KCNN2: variants seen among roughly 807,000 people sequenced by gnomAD.
KCNN2 encodes potassium calcium-activated channel subfamily N member 2, also known as small conductance calcium-activated potassium channel protein 2.
A neutral mutation model predicts 55.5 loss-of-function variants in KCNN2; 24 were observed. The observed-to-expected ratio is 0.43, with a 90% confidence interval of 0.31 to 0.61. The LOEUF (loss-of-function observed/expected upper bound fraction) is 0.61, where lower values mean the gene tolerates loss of function less well. Among genes scored for constraint, KCNN2 ranks in the 20% least tolerant of loss-of-function variants. KCNN2 has a pLI of 0.08. For missense variants in KCNN2, 754 were observed against 853.6 expected (o/e 0.88, Z 1.45); for synonymous variants, 431 against 336.1 (o/e 1.28, Z -3.09).
intron 1 of KCNN2, among the ~76,000 whole-genome samples, chr5:114,063,682 T>C (rs1165138596): frequency 6.6e-6 from 1 of 152,172 alleles, no homozygotes; most frequent in African/African-American, 2.4e-5. Flanking sequence ...CAGAGGGAGA[T>C]AAGGCAATGC....
At chr5:114,364,073 A>G (rs1757532315) in intron 2 of KCNN2, 72 bp downstream of exon 2, 1 of 1,127,496 alleles carries the variant, frequency 8.9e-7, no homozygotes, top group Admixed American at 1.8e-5. Flanking sequence ...AAGGCAGCAG[A>G]GGCTTTTTTC....
At chr5:114,418,346 A>G (rs1035465107) in intron 3 of KCNN2, among the ~76,000 whole-genome samples, 2 of 152,242 alleles carry the variant, frequency 1.3e-5, no homozygotes, top group African/African-American at 4.8e-5. Context: ...AGCCTTCCTT[A>G]TGTGCTGGAC....
intron 1 of KCNN2, among the ~76,000 whole-genome samples, chr5:114,073,416 A>G (rs531247357): frequency 4.5e-4 from 69 of 152,296 alleles, no homozygotes; most frequent in African/African-American, 1.7e-3. Flanking sequence ...CCAATGTTCA[A>G]TTAGCATGGA....
intron 1 of KCNN2, among the ~76,000 whole-genome samples, chr5:114,135,827 T>C (rs1752163485): frequency 6.6e-6 from 1 of 152,172 alleles, no homozygotes; most frequent in African/African-American, 2.4e-5. Context: ...CTGTGAAACA[T>C]GAACACAATG....
intron 1 of KCNN2, among the ~76,000 whole-genome samples, chr5:114,124,686 A>T (rs531907751): frequency 1.3e-5 from 2 of 152,290 alleles, no homozygotes; most frequent in Non-Finnish European, 2.9e-5. Flanking sequence ...TCAGGATGGC[A>T]CAATTGCTGT....
chr5:114,249,079 G>T (rs1228420713), intron 2 of KCNN2, among the ~76,000 whole-genome samples: 2 of 152,020 alleles, frequency 1.3e-5, no homozygotes, highest in African/African-American at 4.8e-5. Flanking sequence ...TTTCTACAAA[G>T]ACAAAGTTTC....
intron 5 of KCNN2, among the ~76,000 whole-genome samples, chr5:114,486,509 G>A (rs1052835770): frequency 9.9e-5 from 15 of 152,116 alleles, no homozygotes; most frequent in African/African-American, 3.1e-4. Context: ...CGTAGACTCC[G>A]TCAGTTAATT....
intron 2 of KCNN2, among the ~76,000 whole-genome samples, chr5:114,232,035 T>C (rs1427636604): frequency 1.3e-5 from 2 of 151,138 alleles, no homozygotes; most frequent in Admixed American, 6.6e-5. Context: ...TTTTTAACTT[T>C]TGAGGCCAGT....
chr5:114,074,991 G>A (rs116694799), intron 1 of KCNN2, among the ~76,000 whole-genome samples: 270 of 152,286 alleles, frequency 1.8e-3, no homozygotes, highest in African/African-American at 6.3e-3. Flanking sequence ...ACACAAGAAG[G>A]CAGGTTCATT....
chr5:114,449,908 A>ACGCGCG (rs34988174), intron 3 of KCNN2, among the ~76,000 whole-genome samples: 22 of 66,148 alleles, frequency 3.3e-4, no homozygotes, highest in East Asian at 3.1e-3. Flanking sequence ...ACACACACAC[A>ACGCGCG]CGCGCGCGCT....
Position 114,232,922 on chromosome 5 carries a change from C to CTCGTTTTTTTTTTTTTT in KCNN2, c.-185+11358_-185+11359insCGTTTTTTTTTTTTTTT, listed in dbSNP as rs200715120. Among the ~76,000 whole-genome samples the CTCGTTTTTTTTTTTTTT allele has an allele frequency of 8.0e-4, 35 of 43,990 alleles. 2 individuals carry two copies. The highest frequency in any genetic ancestry group is 3.1e-3 in the South Asian group (4 of 1,296). The allele number at this position is 43,990 out of a possible 152,430, so 28.9% of individuals were successfully genotyped here. ...TCAGAGGTAATTTTTTATATTGTTTCTTGTTTTTTTTTTTTTGAGACGGAG... is the reference window on the plus strand; with the variant it reads ...TCAGAGGTAATTTTTTATATTGTTTCTCGTTTTTTTTTTTTTTTTGTTTTTTTTTTTTTGAGACGGAG... On this transcript the variant is annotated intron_variant, in intron 2 of 10. Coordinates refer to the KCNN2 transcript ENST00000512097.
In KCNN2 at chr5:114,404,539, C is replaced by A. The variant is rs1758877165; in HGVS notation, c.1320C>A (p.Pro440=). 1.2e-6 allele frequency: 2 copies of A among 1,613,780 alleles called. No individual in the cohort carries two copies. Among genetic ancestry groups the A allele is most frequent in the Non-Finnish European group, 8.5e-7 (1 of 1,179,958 alleles). The change falls in exon 3 of 8, where the codon CCC becomes CCA. Residue 440 remains proline (P), a synonymous_variant. Coordinates refer to ENST00000673685, the MANE Select transcript of KCNN2 (RefSeq NM_021614.4). ...AAATACTGGTGTGTGCTATTCATCCCATACCTGGGAATTATACATTCACAT... is the reference window on the plus strand; with the variant it reads ...AAATACTGGTGTGTGCTATTCATCCAATACCTGGGAATTATACATTCACAT... The part of the protein sequence containing the change: ...CLEILVCAIH[P]IPGNYTFTWT...
At chr5:114,296,522 C>T (rs149623919) in intron 2 of KCNN2, among the ~76,000 whole-genome samples, 1 of 152,124 alleles carries the variant, frequency 6.6e-6, no homozygotes, top group Non-Finnish European at 1.5e-5. Context: ...GTAGAAATGG[C>T]CTTGGGTAAC....
chr5:114,383,108 G>A (rs1488942386), intron 2 of KCNN2, among the ~76,000 whole-genome samples: 1 of 152,158 alleles, frequency 6.6e-6, no homozygotes, highest in African/African-American at 2.4e-5. Flanking sequence ...ACTAAGCTAT[G>A]ATAACTTAAC....
chr5:114,345,954 T>C (rs1757097254), intron 2 of KCNN2, among the ~76,000 whole-genome samples: 1 of 152,134 alleles, frequency 6.6e-6, no homozygotes, highest in African/African-American at 2.4e-5. Flanking sequence ...CTAATTTTTG[T>C]ATTTTTTTAG....
chr5:114,317,210 ATTTGGAAGC>A (rs1756517757), intron 2 of KCNN2, among the ~76,000 whole-genome samples: 1 of 151,918 alleles, frequency 6.6e-6, no homozygotes, highest in African/African-American at 2.4e-5. Context: ...GACTATAGAG[ATTTGGAAGC>A]TTATTGATCC....
At chr5:114,133,791 A>G (rs1026563816) in intron 1 of KCNN2, among the ~76,000 whole-genome samples, 48 of 152,326 alleles carry the variant, frequency 3.2e-4, no homozygotes, top group African/African-American at 1.1e-3. Flanking sequence ...CAGATTATCA[A>G]TGCTTACCCT....
At chr5:114,489,116 A>G (rs1747720533) in intron 6 of KCNN2, 3 of 152,130 alleles carry the variant, frequency 2.0e-5, no homozygotes, top group African/African-American at 7.2e-5. Flanking sequence ...GATAGTTTTT[A>G]TAGTACGGTT....
intron 2 of KCNN2, among the ~76,000 whole-genome samples, chr5:114,244,351 T>G (rs2112619436): frequency 6.6e-6 from 1 of 151,954 alleles, no homozygotes; most frequent in African/African-American, 2.4e-5. Flanking sequence ...TCATTGCCAC[T>G]TGGGGAGGCT....
Sources: gnomAD v4.1 joint callset for allele counts (sites outside exome capture counted in the v4.1 genomes callset) on GRCh38, gnomAD v4.1.1 for gene constraint, MANE v1.5 for transcripts, NCBI Gene and HGNC (gene_info 2026-07-23, HGNC 2026-07-21) for gene names.